PALD1: variants seen among roughly 807,000 people sequenced by gnomAD.
The protein encoded by PALD1 is paladin.
In PALD1, 57 loss-of-function variants were observed where a neutral mutation model predicts 96.0. The ratio of observed to expected loss-of-function variants is 0.59; its 90% CI spans 0.48 to 0.74. PALD1 has a LOEUF of 0.74. Among genes scored for constraint, PALD1 ranks in the 30% least tolerant of loss-of-function variants. The pLI is 0.00. For synonymous variants in PALD1, 464 were observed against 473.6 expected (o/e 0.98, Z 0.26); for missense variants, 1,063 against 1,143.7 (o/e 0.93, Z 1.02).
chr10:70,523,656 G>A (rs989120768), intron 1 of PALD1, among the ~76,000 whole-genome samples: 1 of 152,192 alleles, frequency 6.6e-6, no homozygotes, highest in Non-Finnish European at 1.5e-5. Flanking sequence ...AGAAATTAGG[G>A]TGTGGAGCAC....
intron 19 of PALD1, among the ~76,000 whole-genome samples, chr10:70,564,847 G>A (rs75305082): frequency 0.01 from 1,524 of 152,336 alleles, 9 homozygotes; most frequent in Middle Eastern, 0.037. Flanking sequence ...CCACCCTTGC[G>A]TGCATGACAG....
chr10:70,510,871 C>G (rs1248153359), intron 1 of PALD1, among the ~76,000 whole-genome samples: 1 of 152,184 alleles, frequency 6.6e-6, no homozygotes. Context: ...AGCTGCTTCA[C>G]CATGCTGTCT....
At chr10:70,565,272 C>T (rs748047871) in intron 19 of PALD1, among the ~76,000 whole-genome samples, 4 of 152,314 alleles carry the variant, frequency 2.6e-5, no homozygotes, top group South Asian at 2.1e-4. Flanking sequence ...CCTTGCTGTC[C>T]GGCCTCCTGG....
chr10:70,480,430 C>T (rs1845910137), intron 1 of PALD1, among the ~76,000 whole-genome samples: 2 of 152,292 alleles, frequency 1.3e-5, no homozygotes, highest in Middle Eastern at 3.4e-3. Flanking sequence ...GGCCAGTTTC[C>T]TATGAGTGCA....
chr10:70,481,823 G>C (rs1048682498), intron 1 of PALD1, among the ~76,000 whole-genome samples: 2 of 152,204 alleles, frequency 1.3e-5, no homozygotes, highest in African/African-American at 4.8e-5. Flanking sequence ...CTATGCTCAG[G>C]TCTCCTCTGC....
Position 70,531,164 on chromosome 10 carries a change from TTGCAGGGATGGTGTGGGG to T in PALD1, c.469-119_469-102del, listed in dbSNP as rs1265895093. 3 of 739,742 alleles carry T rather than the reference TTGCAGGGATGGTGTGGGG, an allele frequency of 4.1e-6. No individual in the cohort carries two copies. The African/African-American group carries it at 5.2e-5, about 13-fold the overall frequency. 45.8% of individuals were successfully genotyped at this position (739,742 alleles called of 1,614,324 possible). A position where few individuals can be genotyped will look rare whatever the true frequency, so the allele number is the denominator to read the frequency against. ...CTTTGTTTCTTGGGTAGGATTCAGG[TTGCAGGGATGGTGTGGGG>T]TGCAGGAGGAAGGAACAGCTTGGGC... On this transcript the variant is annotated intron_variant, in intron 4 of 19. Coordinates refer to ENST00000263563, the MANE Select transcript of PALD1 (RefSeq NM_014431.3).
In PALD1 at chr10:70,529,879, C is replaced by T. The variant is rs749869688; in HGVS notation, c.289-10C>T. On this transcript the variant is annotated splice_polypyrimidine_tract_variant and intron_variant, in intron 3 of 19. Coordinates refer to ENST00000263563, the MANE Select transcript of PALD1 (RefSeq NM_014431.3). ...ATCTGAGTGACCTTCCTGTGGCTCT[C>T]CCCTGCCAGGGCCGCTACTTCCTGG... is the stretch of plus-strand genomic sequence containing the variant. The T allele has an allele frequency of 6.2e-7, 1 of 1,612,778 alleles. No homozygotes were observed. The highest frequency in any genetic ancestry group is 1.1e-5 in the South Asian group (1 of 90,958).
intron 18 of PALD1, among the ~76,000 whole-genome samples, chr10:70,552,796 A>G (rs2132425871): frequency 6.6e-6 from 1 of 152,364 alleles, no homozygotes; most frequent in East Asian, 1.9e-4. Context: ...CTAATCTCAC[A>G]GGCTTTTTGC....
upstream of PALD1, among the ~76,000 whole-genome samples, chr10:70,477,711 G>A (rs551234438): frequency 6.6e-6 from 1 of 152,080 alleles, no homozygotes; most frequent in Non-Finnish European, 1.5e-5. Context: ...CCCTCTCCCA[G>A]CCCAGCGCTC....
the PALD1 span, among the ~76,000 whole-genome samples, chr10:70,459,897 C>T: frequency 6.6e-6 from 1 of 152,210 alleles, no homozygotes; most frequent in Non-Finnish European, 1.5e-5. Flanking sequence ...AGCTGCCGCA[C>T]CTTCTCCACA....
chr10:70,508,981 C>T (rs10733873), intron 1 of PALD1, among the ~76,000 whole-genome samples: 1 of 151,920 alleles, frequency 6.6e-6, no homozygotes, highest in East Asian at 1.9e-4. Flanking sequence ...CCCTGCAGCA[C>T]GGCAGCTTCC....
At chr10:70,557,950 T>TTTTTTTTAA (rs71012214) in intron 18 of PALD1, among the ~76,000 whole-genome samples, 1 of 135,226 alleles carries the variant, frequency 7.4e-6, no homozygotes, top group African/African-American at 2.7e-5. Context: ...TTTTTTTTTT[T>TTTTTTTTAA]AGAGACAGAG....
chr10:70,539,711 C>T lies in PALD1; in HGVS notation c.1857C>T (p.Gly619=). 2.5e-6 allele frequency: 4 copies of T among 1,613,404 alleles called. No individual in the cohort carries two copies. The highest frequency in any genetic ancestry group is 2.2e-5 in the East Asian group (1 of 44,850). Residue 619 remains glycine (G), a synonymous_variant, in exon 15 of 20, where the codon GGC becomes GGT. Transcript: ENST00000263563. This position sits in a 1 kb window ranked among gnomAD's most constrained non-coding sequence, Gnocchi z 4.5. ...VFSQHRRACP[G]LTYHRIPMPD... is the part of the protein sequence containing the mutation. ...GCCAGCACCGCAGGGCCTGTCCTGG[C>T]CTCACCTACCACCGCATCCCCATGC...
chr10:70,551,473 C>T (rs947238714), intron 18 of PALD1, among the ~76,000 whole-genome samples: 1 of 152,128 alleles, frequency 6.6e-6, no homozygotes, highest in African/African-American at 2.4e-5. Flanking sequence ...CTTAATTTGC[C>T]CGGGAATGTT....
intron 1 of PALD1, among the ~76,000 whole-genome samples, chr10:70,494,974 A>G (rs1177535947): frequency 6.6e-6 from 1 of 152,242 alleles, no homozygotes; most frequent in Non-Finnish European, 1.5e-5. Context: ...GTTTAAGTGC[A>G]CATCTTTAGC....
At chr10:70,534,932 A>G (rs1847078702) in intron 10 of PALD1, 89 bp downstream of exon 10, 1 of 926,258 alleles carries the variant, frequency 1.1e-6, no homozygotes, top group Admixed American at 2.0e-5. Context: ...TTTCTTTCAG[A>G]CTGACTTTTT....
At chr10:70,493,763 C>T (rs892402215) in intron 1 of PALD1, among the ~76,000 whole-genome samples, 2 of 152,320 alleles carry the variant, frequency 1.3e-5, no homozygotes, top group South Asian at 2.1e-4. Context: ...CATGGATGCA[C>T]GGCGAGCCAT....
At chr10:70,488,416 T>C (rs2394727) in intron 1 of PALD1, among the ~76,000 whole-genome samples, 146,127 of 152,288 alleles carry the variant, frequency 0.96, 70,150 homozygotes, top group East Asian at 1. Context: ...CCACCATGCC[T>C]GGCCTAAAAT....
chr10:70,512,205 G>A (rs1316112640), intron 1 of PALD1, among the ~76,000 whole-genome samples: 3 of 152,212 alleles, frequency 2.0e-5, no homozygotes, highest in East Asian at 1.9e-4. Flanking sequence ...GCCCCAGGTC[G>A]CTGCAAGGGA....
Sources: allele counts gnomAD v4.1 joint callset (sites outside exome capture counted in the v4.1 genomes callset), GRCh38; gene constraint gnomAD v4.1.1; non-coding constraint Gnocchi (gnomAD v3.1); transcripts MANE v1.5; gene names NCBI Gene and HGNC (gene_info 2026-07-23, HGNC 2026-07-21).